Variants in CCDC88C observed in about 807,000 individuals in gnomAD.
CCDC88C encodes coiled-coil and HOOK domain protein 88C.
A neutral mutation model predicts 198.8 loss-of-function variants in CCDC88C; 131 were observed. The ratio of observed to expected loss-of-function variants is 0.66; its 90% CI spans 0.57 to 0.76. CCDC88C has a LOEUF of 0.76. CCDC88C is among the 30% of genes least tolerant of loss of function. CCDC88C has a pLI of 0.00. For synonymous variants in CCDC88C, 1,166 were observed against 1,114.7 expected (o/e 1.05, Z -0.92); for missense variants, 2,553 against 2,631.6 (o/e 0.97, Z 0.65).
At chr14:91,333,898 C>G (rs1892939600) in intron 10 of CCDC88C, among the ~76,000 whole-genome samples, 2 of 152,212 alleles carry the variant, frequency 1.3e-5, no homozygotes, top group African/African-American at 4.8e-5. Flanking sequence ...TTAAACTGAT[C>G]AGTATTTTTA....
chr14:91,344,822 G>A (rs928298052), intron 4 of CCDC88C, among the ~76,000 whole-genome samples: 5 of 150,008 alleles, frequency 3.3e-5, no homozygotes, highest in Middle Eastern at 3.4e-3. Context: ...TCTGATACAG[G>A]TTCCCACTCT....
At chr14:91,286,111 G>C (rs146303446) in intron 25 of CCDC88C, among the ~76,000 whole-genome samples, 3 of 152,106 alleles carry the variant, frequency 2.0e-5, no homozygotes, top group African/African-American at 7.2e-5. Context: ...TACTGCCCAA[G>C]GAGCCAATGG....
At chr14:91,394,913 G>A (rs1470182464) in intron 3 of CCDC88C, among the ~76,000 whole-genome samples, 1 of 152,160 alleles carries the variant, frequency 6.6e-6, no homozygotes, top group Admixed American at 6.5e-5. Context: ...GTGGCCAGGG[G>A]ACGGGCCTTG....
chr14:91,405,675 C>T (rs1256294270), intron 3 of CCDC88C, among the ~76,000 whole-genome samples: 1 of 152,176 alleles, frequency 6.6e-6, no homozygotes, highest in Non-Finnish European at 1.5e-5. Flanking sequence ...GGGTGCTGGG[C>T]TGATGGGTGG....
chr14:91,399,360 C>T (rs1274501130), intron 3 of CCDC88C, among the ~76,000 whole-genome samples: 4 of 152,144 alleles, frequency 2.6e-5, no homozygotes, highest in East Asian at 1.9e-4. Flanking sequence ...CAGGAACCCA[C>T]GGACCCCTCA....
intron 15 of CCDC88C, among the ~76,000 whole-genome samples, chr14:91,312,572 C>A (rs1237517972): frequency 2.0e-5 from 3 of 152,016 alleles, no homozygotes; most frequent in Non-Finnish European, 2.9e-5. Context: ...GTAGGCCCAG[C>A]TATGTGGGAT....
At chr14:91,417,235 G>A (rs1353778186) in intron 1 of CCDC88C, 1 of 700,976 alleles carries the variant, frequency 1.4e-6, no homozygotes, top group Non-Finnish European at 2.6e-6. Flanking sequence ...TGGTCTCAGG[G>A]ATTCAGAAAA....
intron 16 of CCDC88C, among the ~76,000 whole-genome samples, chr14:91,309,392 TCAGGAGTTCAAGAC>T (rs1891707160): frequency 6.6e-6 from 1 of 152,052 alleles, no homozygotes; most frequent in South Asian, 2.1e-4. Flanking sequence ...CGCTTTGAGC[TCAGGAGTTCAAGAC>T]CAGCCTGGCT....
At chr14:91,306,063 T>C in intron 18 of CCDC88C, 137 bp from the exon 19 acceptor site, 4 of 773,350 alleles carry the variant, frequency 5.2e-6, no homozygotes, top group Middle Eastern at 2.5e-4. Context: ...ATGAGGTCAG[T>C]ATATTTTCTC....
chr14:91,337,896 A>G (rs1285785), intron 10 of CCDC88C, 109 bp downstream of exon 10: 14,717 of 1,374,200 alleles, frequency 0.011, 113 homozygotes, highest in Middle Eastern at 0.029. Flanking sequence ...CATCTGCTGA[A>G]ACAGCTGTGG....
intron 29 of CCDC88C, among the ~76,000 whole-genome samples, chr14:91,274,912 C>T (rs1889887920): frequency 6.6e-6 from 1 of 152,206 alleles, no homozygotes; most frequent in South Asian, 2.1e-4. Flanking sequence ...AGCTGCTTTC[C>T]ACTCCACCAG....
chr14:91,384,027 C>T (rs944640868), intron 3 of CCDC88C, among the ~76,000 whole-genome samples: 3 of 152,162 alleles, frequency 2.0e-5, no homozygotes, highest in Non-Finnish European at 4.4e-5. Context: ...CTGGTGCATC[C>T]CGGGAAGATG....
chr14:91,314,171 C>T (rs1470262835), intron 14 of CCDC88C, 21 bp from the exon 15 acceptor site: 5 of 1,581,298 alleles, frequency 3.2e-6, no homozygotes, highest in Non-Finnish European at 4.3e-6. Context: ...ACACAACAGG[C>T]ACAACCCAGG....
At chr14:91,314,262 T>C (rs1891997862) in intron 14 of CCDC88C, 112 bp from the exon 15 acceptor site, 1 of 838,628 alleles carries the variant, frequency 1.2e-6, no homozygotes, top group African/African-American at 1.7e-5. Flanking sequence ...GTCCTACCTG[T>C]GCTCAGACAC....
intron 4 of CCDC88C, among the ~76,000 whole-genome samples, chr14:91,345,481 G>A (rs1366821937): frequency 6.6e-6 from 1 of 152,104 alleles, no homozygotes; most frequent in African/African-American, 2.4e-5. Context: ...GTGAGCAGCC[G>A]TGCCCGGCCT....
intron 3 of CCDC88C, among the ~76,000 whole-genome samples, chr14:91,363,273 T>C (rs1673717380): frequency 6.6e-6 from 1 of 151,276 alleles, no homozygotes; most frequent in African/African-American, 2.5e-5. Flanking sequence ...AAAAATGTAT[T>C]ATTTTACTTT....
At chr14:91,326,125 A>G in intron 10 of CCDC88C, 69 bp from the exon 11 acceptor site, 1 of 1,440,308 alleles carries the variant, frequency 6.9e-7, no homozygotes, top group Non-Finnish European at 9.5e-7. Flanking sequence ...GGAATTCTAA[A>G]ACCAAAACTC....
chr14:91,293,550 G>GCCACAGCTCACTT (rs1567055850), intron 23 of CCDC88C, among the ~76,000 whole-genome samples: 1 of 20,874 alleles, frequency 4.8e-5, no homozygotes, highest in Admixed American at 4.3e-4. Context: ...CCACCTTCCT[G>GCCACAGCTCACTT]TCCCCTCGCC....
chr14:91,347,756 C>A (rs558599857), intron 4 of CCDC88C, among the ~76,000 whole-genome samples: 1 of 152,320 alleles, frequency 6.6e-6, no homozygotes, highest in East Asian at 1.9e-4. Flanking sequence ...CCAGTTCAAC[C>A]CTTGTGGAAG....
Sources: allele counts gnomAD v4.1 joint callset (sites outside exome capture counted in the v4.1 genomes callset), GRCh38; gene constraint gnomAD v4.1.1; transcripts MANE v1.5; gene names NCBI Gene and HGNC (gene_info 2026-07-23, HGNC 2026-07-21).